Variants in CLEC1B observed in about 807,000 individuals in gnomAD.
CLEC1B encodes the protein C-type lectin-like receptor 2.
A neutral mutation model predicts 26.7 loss-of-function variants in CLEC1B; 26 were observed. That is an observed-to-expected ratio of 0.97 (90% confidence interval 0.71 to 1.35). The LOEUF is 1.35. CLEC1B is among the 40% of genes most tolerant of loss of function. The pLI is 0.00. For missense variants in CLEC1B, 293 were observed against 282.6 expected (o/e 1.04, Z -0.26); for synonymous variants, 112 against 96.0 (o/e 1.17, Z -0.97).
Position 9,996,982 on chromosome 12 carries a change from G to A in CLEC1B, c.302C>T (p.Pro101Leu), listed in dbSNP as rs1477278341. Residue 101 changes from proline (P) to leucine (L), a missense_variant, in exon 4 of 6, where the codon CCC becomes CTC. Physicochemically the swap from Pro to Leu is moderately conservative, Grantham distance 98. Coordinates refer to ENST00000298527, the MANE Select transcript of CLEC1B (RefSeq NM_016509.4). ...KGTFKGHKCS[P>L]CDTNWRYYGD... Reference sequence around the variant, plus strand: ...ATAATATCTCCAGTTTGTGTCACAGGGGCTGCATTTATGACCTTCTGGAGA... The same window carrying A: ...ATAATATCTCCAGTTTGTGTCACAGAGGCTGCATTTATGACCTTCTGGAGA... The A allele has an allele frequency of 6.2e-7, 1 of 1,613,940 alleles. No individual in the cohort carries two copies. The highest frequency in any genetic ancestry group is 1.1e-5 in the South Asian group (1 of 91,042).
At position 9,998,298 on chromosome 12, in the gene CLEC1B, C is replaced by A. The variant is rs1865100511; in HGVS notation, c.147G>T (p.Val49=). The A allele has an allele frequency of 6.2e-7, 1 of 1,613,892 alleles. No homozygotes were observed. The highest frequency in any genetic ancestry group is 1.3e-5 in the African/African-American group (1 of 74,860). The change falls in exon 2 of 6, where the codon GTG becomes GTT. Residue 49 remains valine (V), a synonymous_variant. Coordinates refer to ENST00000298527, the MANE Select transcript of CLEC1B (RefSeq NM_016509.4). The stretch of plus-strand genomic sequence containing the variant: ...AACACTTACACCAAATCCCCAGAGC[C>A]ACCAGCCCGACAACCATCCCCACGC... The part of the protein sequence containing the change: ...ILCVGMVVGL[V]ALGIWSVMQR...
chr12:9,995,997 G>C (rs1284985328), intron 4 of CLEC1B, among the ~76,000 whole-genome samples: 1 of 152,072 alleles, frequency 6.6e-6, no homozygotes, highest in Non-Finnish European at 1.5e-5. Context: ...CAATCTATGG[G>C]TAACAAAATT....
rs930949003 is a variant in CLEC1B, at chr12:9,998,556, C to T, written c.65-176G>A. 2.8e-4 allele frequency among the ~76,000 whole-genome samples: 37 copies of T among 130,566 alleles called. 7 individuals are homozygous for T. Among genetic ancestry groups the T allele is most frequent in the African/African-American group, 9.5e-4 (33 of 34,758 alleles). The allele number at this position is 130,566 out of a possible 152,430, so 85.7% of individuals were successfully genotyped here. A position where few individuals can be genotyped will look rare whatever the true frequency, so the allele number is the denominator to read the frequency against. Reference sequence around the variant, plus strand: ...CATCAACAATAGGCATGGCCCACCCCTATACCATACATCCATTCTCATCTC... The same window carrying T: ...CATCAACAATAGGCATGGCCCACCCTTATACCATACATCCATTCTCATCTC... On this transcript the variant is annotated intron_variant, in intron 1 of 5. Transcript: ENST00000298527.
intron 4 of CLEC1B, among the ~76,000 whole-genome samples, chr12:9,996,590 A>C (rs1216741106): frequency 8.8e-6 from 1 of 113,628 alleles, no homozygotes; most frequent in Non-Finnish European, 1.9e-5. Context: ...CTGACTCTTC[A>C]TGTGTGACCC....
chr12:9,994,934 G>A, intron 5 of CLEC1B: 1 of 1,328,042 alleles, frequency 7.5e-7, no homozygotes, highest in Middle Eastern at 2.7e-4. Context: ...AGATAAAGGT[G>A]GATTGTGGCT....
At chr12:9,997,924 T>C (rs986115056) in intron 2 of CLEC1B, among the ~76,000 whole-genome samples, 9 of 152,030 alleles carry the variant, frequency 5.9e-5, no homozygotes, top group Non-Finnish European at 1.3e-4. Flanking sequence ...CAAGGGAACA[T>C]GGAATTTATA....
At chr12:9,994,718 A>G (rs1258294098) in intron 5 of CLEC1B, among the ~76,000 whole-genome samples, 1 of 152,092 alleles carries the variant, frequency 6.6e-6, no homozygotes, top group Non-Finnish European at 1.5e-5. Flanking sequence ...ACTCAAAAGG[A>G]CTCTCAAGAT....
In CLEC1B at chr12:9,995,121, TAA is replaced by T; in HGVS notation, c.545+17_545+18del. On this transcript the variant is annotated intron_variant, in intron 5 of 5. Transcript: ENST00000298527. ...GAGTTTCCAGTACTCCCTCCTATTC[TAA>T]GTGTCCAGTGACTTACATATTTTCT... is the stretch of plus-strand genomic sequence containing the variant. 1 of 1,610,346 alleles carries T rather than the reference TAA, an allele frequency of 6.2e-7. No individual in the cohort carries two copies. The highest frequency in any genetic ancestry group is 8.5e-7 in the Non-Finnish European group (1 of 1,176,944).
rs1285375528 is a variant in CLEC1B, at chr12:9,997,274, T to A, written c.169A>T (p.Met57Leu). The change falls in exon 3 of 6, where the codon ATG (methionine) becomes TTG (leucine). Residue 57 changes from methionine (M) to leucine (L), a missense_variant. Met to Leu is a conservative substitution (Grantham distance 15). Coordinates refer to ENST00000298527, the MANE Select transcript of CLEC1B (RefSeq NM_016509.4). ...TCACCTTGTAGGTAATTGCGCTGCA[T>A]GACAGCTAGGTTTAAAAAGTAAATA... ...GLVALGIWSV[M>L]QRNYLQGENE... 1 of 1,610,644 alleles carries A rather than the reference T, an allele frequency of 6.2e-7. No homozygotes were observed. Among genetic ancestry groups the A allele is most frequent in the South Asian group, 1.1e-5 (1 of 90,926 alleles).
chr12:9,998,777 G>A (rs564719639), intron 1 of CLEC1B, among the ~76,000 whole-genome samples: 164 of 152,028 alleles, frequency 1.1e-3, no homozygotes, highest in Non-Finnish European at 2.0e-3. Flanking sequence ...ACTCTTTTCC[G>A]TTATCCCCTT....
rs894518759 is a variant in CLEC1B, at chr12:9,993,242, A to G, written c.591T>C (p.Tyr197=). The G allele has an allele frequency of 2.5e-6, 4 of 1,612,896 alleles. No homozygotes were observed. Among genetic ancestry groups the G allele is most frequent in the Non-Finnish European group, 3.4e-6 (4 of 1,179,026 alleles). ...TAGGGTGCATTTTCCCATTATGAAAATAAGCACAATTCATATTTCCTTTTC... is the reference window on the plus strand; with the variant it reads ...TAGGGTGCATTTTCCCATTATGAAAGTAAGCACAATTCATATTTCCTTTTC... ...EDGKGNMNCA[Y]FHNGKMHPTF... Residue 197 remains tyrosine (Y), a synonymous_variant, in exon 6 of 6, where the codon TAT becomes TAC. Transcript: ENST00000298527.
chr12:9,993,640 A>G (rs1437719544), intron 5 of CLEC1B, among the ~76,000 whole-genome samples: 1 of 151,988 alleles, frequency 6.6e-6, no homozygotes, highest in East Asian at 1.9e-4. Context: ...CAGGACTCAG[A>G]TGAACTGACA....
At position 9,996,983 on chromosome 12, in the gene CLEC1B, G is replaced by C. The variant is rs745307443; in HGVS notation, c.301C>G (p.Pro101Ala). The change falls in exon 4 of 6, where the codon CCC becomes GCC. Residue 101 changes from proline (P) to alanine (A), a missense_variant. Pro to Ala is a conservative substitution (Grantham distance 27, BLOSUM62 -1). Transcript: ENST00000298527. ...TAATATCTCCAGTTTGTGTCACAGG[G>C]GCTGCATTTATGACCTTCTGGAGAA... Reference protein sequence around the residue: ...KGTFKGHKCSPCDTNWRYYGD... With the variant: ...KGTFKGHKCSACDTNWRYYGD... 1.2e-5 allele frequency: 19 copies of C among 1,613,814 alleles called. No homozygotes were observed. Among genetic ancestry groups the C allele is most frequent in the Non-Finnish European group, 1.4e-5 (17 of 1,179,948 alleles).
chr12:9,997,869 A>G (rs1251885783), intron 2 of CLEC1B, among the ~76,000 whole-genome samples: 1 of 152,212 alleles, frequency 6.6e-6, no homozygotes, highest in Non-Finnish European at 1.5e-5. Flanking sequence ...AAAATGAGAA[A>G]CAGAAAATTT....
intron 5 of CLEC1B, 130 bp downstream of exon 5, chr12:9,995,010 T>C: frequency 6.4e-7 from 1 of 1,569,108 alleles, no homozygotes; most frequent in East Asian, 2.3e-5. Context: ...CTGTCTTGTT[T>C]GAATTAGCAG....
At chr12:9,997,115 C>G in intron 3 of CLEC1B, 45 bp downstream of exon 3, 2 of 1,611,482 alleles carry the variant, frequency 1.2e-6, no homozygotes, top group Non-Finnish European at 1.7e-6. Flanking sequence ...CAGAGAAATG[C>G]TCCAGGGGTT....
In CLEC1B at chr12:9,998,280, A is replaced by C; in HGVS notation, c.163+2T>G. The C allele has an allele frequency of 4.3e-6, 7 of 1,613,224 alleles. No individual in the cohort carries two copies. The highest frequency in any genetic ancestry group is 5.9e-6 in the Non-Finnish European group (7 of 1,179,240). On this transcript the variant is annotated splice_donor_variant, in intron 2 of 5. Coordinates refer to ENST00000298527, the MANE Select transcript of CLEC1B (RefSeq NM_016509.4). LOFTEE classifies it high-confidence loss of function. ...CAAATTTCTGGCAGAGTCAACACTT[A>C]CACCAAATCCCCAGAGCCACCAGCC...
chr12:9,996,807 T>C (rs581949), intron 4 of CLEC1B, 39 bp downstream of exon 4: 912,725 of 1,609,040 alleles, frequency 0.57, 261,435 homozygotes, highest in East Asian at 0.72. Flanking sequence ...AGGTTTCTCT[T>C]CCTTGCCTCC....
At chr12:9,996,790 A>C in intron 4 of CLEC1B, 56 bp downstream of exon 4, 1 of 1,576,040 alleles carries the variant, frequency 6.3e-7, no homozygotes, top group Non-Finnish European at 8.7e-7. Context: ...GTCAAGTGTT[A>C]CATTTGAGGT....
Sources: allele counts gnomAD v4.1 joint callset (sites outside exome capture counted in the v4.1 genomes callset), GRCh38; gene constraint gnomAD v4.1.1; transcripts MANE v1.5; gene names NCBI Gene and HGNC (gene_info 2026-07-23, HGNC 2026-07-21).